Variants in MAOB observed in about 807,000 individuals in gnomAD.
The protein encoded by MAOB is monoamine oxidase B.
A neutral mutation model predicts 41.9 loss-of-function variants in MAOB; 15 were observed. The ratio of observed to expected loss-of-function variants is 0.36; its 90% confidence interval spans 0.24 to 0.55. The LOEUF is 0.55. Ranked by LOEUF, MAOB falls within the 20% of genes least tolerant of loss-of-function variation. The pLI is 0.86. For missense variants in MAOB, 345 were observed against 398.7 expected (o/e 0.87, Z 1.15); for synonymous variants, 167 against 144.2 (o/e 1.16, Z -1.13).
chrX:43,880,049 A>AT (rs1403128967), intron 1 of MAOB, among the ~76,000 whole-genome samples: 1 of 111,915 alleles, frequency 8.9e-6, no homozygotes, highest in Non-Finnish European at 1.9e-5. Flanking sequence ...CTTCCCTAGA[A>AT]TTTTTTATAT....
At chrX:43,859,020 GA>G (rs1308092362) in intron 1 of MAOB, among the ~76,000 whole-genome samples, 1 of 111,635 alleles carries the variant, frequency 9.0e-6, no homozygotes, top group Non-Finnish European at 1.9e-5. Context: ...AATCATTCTA[GA>G]TAGATCTCAG....
chrX:43,839,400 T>C (rs1404883758), intron 2 of MAOB, among the ~76,000 whole-genome samples: 2 of 112,485 alleles, frequency 1.8e-5, no homozygotes, highest in African/African-American at 6.5e-5. Context: ...CTTATGTGAT[T>C]TGTTAATCCA....
At chrX:43,819,051 G>A (rs1386786983) in intron 3 of MAOB, among the ~76,000 whole-genome samples, 3 of 111,401 alleles carry the variant, frequency 2.7e-5, no homozygotes, top group Non-Finnish European at 3.8e-5. Context: ...ACACTCTTAC[G>A]CTTCTCTGTC....
At chrX:43,772,116 T>C (rs2034193132) in intron 12 of MAOB, among the ~76,000 whole-genome samples, 1 of 111,923 alleles carries the variant, frequency 8.9e-6, no homozygotes, top group African/African-American at 3.2e-5. Context: ...CTGTGAACTT[T>C]CAGGGCTCTG....
intron 1 of MAOB, among the ~76,000 whole-genome samples, chrX:43,857,147 AGAGAGAGAGAG>A (rs2035300937): frequency 1.6e-5 from 1 of 63,005 alleles, no homozygotes; most frequent in Non-Finnish European, 2.9e-5. Flanking sequence ...AGAGAGAGAG[AGAGAGAGAGAG>A]AGAGAGAAGA....
intron 1 of MAOB, among the ~76,000 whole-genome samples, chrX:43,875,535 G>A (rs181947579): frequency 2.4e-4 from 27 of 111,888 alleles, no homozygotes; most frequent in East Asian, 2.8e-4. Context: ...TAAGCCCAGC[G>A]AATGAGATTC....
intron 1 of MAOB, among the ~76,000 whole-genome samples, chrX:43,874,457 T>A (rs2035427940): frequency 9.0e-6 from 1 of 111,719 alleles, no homozygotes; most frequent in Admixed American, 9.5e-5. Flanking sequence ...CTATCCATGT[T>A]TTGGCTTCCC....
chrX:43,863,029 T>C (rs1427576347), intron 1 of MAOB, among the ~76,000 whole-genome samples: 2 of 111,802 alleles, frequency 1.8e-5, no homozygotes, highest in Non-Finnish European at 3.8e-5. Context: ...AAGGATGCTA[T>C]TAAGTGATCC....
At chrX:43,801,211 G>A (rs1319202299) in intron 5 of MAOB, among the ~76,000 whole-genome samples, 2 of 108,807 alleles carry the variant, frequency 1.8e-5, no homozygotes, top group African/African-American at 3.3e-5. Context: ...CATGTGCCAT[G>A]CTGGTGCCTC....
At chrX:43,772,866 C>T (rs2034203032) in intron 12 of MAOB, among the ~76,000 whole-genome samples, 1 of 111,621 alleles carries the variant, frequency 9.0e-6, no homozygotes, top group South Asian at 3.7e-4. Context: ...CTTGTTCCTG[C>T]TTTCGCCATG....
chrX:43,781,885 G>A (rs759632664), intron 8 of MAOB, among the ~76,000 whole-genome samples: 22 of 112,048 alleles, frequency 2.0e-4, no homozygotes, highest in African/African-American at 6.8e-4. Context: ...ATCCAAAGAT[G>A]TGTAAAGGAA....
chrX:43,813,555 G>T (rs1214796694), intron 3 of MAOB, among the ~76,000 whole-genome samples: 1 of 112,218 alleles, frequency 8.9e-6, no homozygotes, highest in Non-Finnish European at 1.9e-5. Flanking sequence ...TCTCTGGAAG[G>T]CATTTAATCA....
intron 3 of MAOB, among the ~76,000 whole-genome samples, chrX:43,831,438 C>T (rs1250803017): frequency 9.0e-6 from 1 of 110,678 alleles, no homozygotes; most frequent in Non-Finnish European, 1.9e-5. Flanking sequence ...AAAAAAAAGC[C>T]GTAACATTTG....
At chrX:43,794,145 G>A (rs1399912810) in intron 7 of MAOB, among the ~76,000 whole-genome samples, 6 of 111,819 alleles carry the variant, frequency 5.4e-5, no homozygotes, top group Non-Finnish European at 1.1e-4. Flanking sequence ...AAAGTGCTGG[G>A]ATTACAGGCG....
chrX:43,812,614 C>T (rs1042777718), intron 3 of MAOB, among the ~76,000 whole-genome samples: 7 of 112,501 alleles, frequency 6.2e-5, no homozygotes, highest in African/African-American at 2.3e-4. Context: ...TGTCTATTTG[C>T]CATTTGGACG....
chrX:43,870,597 C>T (rs1311895897), intron 1 of MAOB, among the ~76,000 whole-genome samples: 1 of 109,353 alleles, frequency 9.1e-6, no homozygotes, highest in Non-Finnish European at 1.9e-5. Flanking sequence ...AGATCGAGAC[C>T]ATCCCGGCTA....
chrX:43,865,782 A>G (rs770889780), intron 1 of MAOB, among the ~76,000 whole-genome samples: 100 of 108,015 alleles, frequency 9.3e-4, no homozygotes, highest in Admixed American at 2.9e-3. Flanking sequence ...CTTTGCCCAA[A>G]AGCTTTTTTT....
At chrX:43,816,255 G>C (rs1022907016) in intron 3 of MAOB, among the ~76,000 whole-genome samples, 13 of 111,787 alleles carry the variant, frequency 1.2e-4, no homozygotes, top group African/African-American at 3.9e-4. Flanking sequence ...GGGCTGTAGC[G>C]GGATGAAAGC....
intron 3 of MAOB, among the ~76,000 whole-genome samples, chrX:43,836,330 T>C (rs927923910): frequency 3.6e-5 from 4 of 112,276 alleles, no homozygotes; most frequent in African/African-American, 1.3e-4. Flanking sequence ...GAAGTGGAGA[T>C]GGTAGAGAAC....
Sources: allele counts gnomAD v4.1 joint callset (sites outside exome capture counted in the v4.1 genomes callset), GRCh38; gene constraint gnomAD v4.1.1; transcripts MANE v1.5; gene names NCBI Gene and HGNC (gene_info 2026-07-23, HGNC 2026-07-21).